The following ABCC1 variants were observed in gnomAD, a reference collection of about 807,000 sequenced individuals.
ABCC1 encodes ATP binding cassette subfamily C member 1 (ABCC1 blood group), also known as multidrug resistance-associated protein 1.
A neutral mutation model predicts 172.9 loss-of-function variants in ABCC1; 83 were observed. That is an observed-to-expected ratio of 0.48 (90% CI 0.40 to 0.58). ABCC1 has a LOEUF of 0.58. ABCC1 is among the 20% of genes least tolerant of loss of function. The pLI, the probability that ABCC1 is intolerant of heterozygous loss-of-function variation, is 0.00. For synonymous variants in ABCC1, 937 were observed against 825.2 expected (o/e 1.14, Z -2.32); for missense variants, 1,817 against 2,002.7 (o/e 0.91, Z 1.77).
chr16:16,011,086 T>C (rs561376024), intron 3 of ABCC1, among the ~76,000 whole-genome samples: 1 of 151,852 alleles, frequency 6.6e-6, no homozygotes, highest in Admixed American at 6.6e-5. Flanking sequence ...ATAAAAAAAT[T>C]AGCCGGCGTG....
In ABCC1 at chr16:15,949,816, G is replaced by T; in HGVS notation, c.48+17G>T. The T allele has an allele frequency of 1.1e-5, 13 of 1,194,496 alleles. No homozygotes were observed. Among genetic ancestry groups the T allele is most frequent in the Non-Finnish European group, 1.3e-5 (13 of 963,796 alleles). 74.0% of individuals were successfully genotyped at this position (1,194,496 alleles called of 1,614,324 possible). A position where few individuals can be genotyped will look rare whatever the true frequency, so the allele number is the denominator to read the frequency against. On this transcript the variant is annotated intron_variant, in intron 1 of 30. Transcript: ENST00000399410. ...CCGCTCTGGGTACGTGCCGGGGGCC[G>T]CGTGAGGCCGGCGGGACGGAGGGAG...
At chr16:15,982,564 A>T (rs1294321426) in intron 1 of ABCC1, among the ~76,000 whole-genome samples, 1 of 151,370 alleles carries the variant, frequency 6.6e-6, no homozygotes, top group Non-Finnish European at 1.5e-5. Flanking sequence ...GGTTTCTTCC[A>T]TGACATGTGA....
intron 11 of ABCC1, among the ~76,000 whole-genome samples, chr16:16,055,680 TC>T (rs2049619751): frequency 6.6e-6 from 1 of 152,114 alleles, no homozygotes; most frequent in Non-Finnish European, 1.5e-5. Flanking sequence ...TTGCCTCTGT[TC>T]CTGGATTCTA....
rs45564831 is a variant in ABCC1 at position 16,102,957 on chromosome 16, C to T, written c.2735+240C>T. Reference sequence around the variant, plus strand: ...GCCTCATGATTTAACCAGCTGTCCACGCTTCTGACACTCGGGCTCCCTACA... The same window carrying T: ...GCCTCATGATTTAACCAGCTGTCCATGCTTCTGACACTCGGGCTCCCTACA... On this transcript the variant is annotated intron_variant, in intron 20 of 30. Coordinates refer to ENST00000399410, the MANE Select transcript of ABCC1 (RefSeq NM_004996.4). 4.6e-5 allele frequency among the ~76,000 whole-genome samples: 7 copies of T among 152,304 alleles called. No individual in the cohort carries two copies. The East Asian group carries it at 7.7e-4, about 17-fold the overall frequency.
intron 27 of ABCC1, among the ~76,000 whole-genome samples, chr16:16,132,510 G>GGTTTTTTTT (rs1277380301): frequency 8.0e-5 from 3 of 37,300 alleles, no homozygotes; most frequent in African/African-American, 1.0e-4. Context: ...TTGGTTGGTT[G>GGTTTTTTTT]TTTTTTTTTT....
At chr16:16,111,283 C>T (rs538695160) in intron 21 of ABCC1, 92 bp from the exon 22 acceptor site, 19 of 1,012,572 alleles carry the variant, frequency 1.9e-5, no homozygotes, top group Admixed American at 1.1e-4. Context: ...AGCTGGGTGG[C>T]ACAGTGCTGG....
intron 19 of ABCC1, among the ~76,000 whole-genome samples, chr16:16,093,523 G>A (rs72777617): frequency 0.036 from 5,492 of 152,156 alleles, 130 homozygotes; most frequent in Non-Finnish European, 0.054. Context: ...CACCTCGTGC[G>A]TTCATTTTCC....
At chr16:16,082,204 G>A (rs891612517) in intron 16 of ABCC1, among the ~76,000 whole-genome samples, 3 of 152,224 alleles carry the variant, frequency 2.0e-5, no homozygotes, top group South Asian at 4.1e-4. Context: ...CCAGGCCTTC[G>A]CATGTGCTGT....
At chr16:16,090,968 C>G (rs1187468762) in intron 19 of ABCC1, among the ~76,000 whole-genome samples, 3 of 151,972 alleles carry the variant, frequency 2.0e-5, no homozygotes, top group Non-Finnish European at 2.9e-5. Flanking sequence ...TGAGGACATA[C>G]GTGACACAAG....
chr16:16,004,809 C>T (rs2047462241), intron 1 of ABCC1, among the ~76,000 whole-genome samples: 1 of 151,722 alleles, frequency 6.6e-6, no homozygotes, highest in Admixed American at 6.6e-5. Context: ...CGTGCACTAC[C>T]CTGCCCGGCT....
At chr16:16,013,597 T>C (rs1344382522) in intron 3 of ABCC1, among the ~76,000 whole-genome samples, 2 of 151,942 alleles carry the variant, frequency 1.3e-5, no homozygotes, top group Admixed American at 1.3e-4. Flanking sequence ...GTATCAAGCG[T>C]TGGAGACACA....
At position 16,052,791 on chromosome 16, in the gene ABCC1, T is replaced by C; in HGVS notation, c.1448T>C (p.Met483Thr). 1.9e-6 allele frequency: 3 copies of C among 1,614,192 alleles called. No homozygotes were observed. Among genetic ancestry groups the C allele is most frequent in the Non-Finnish European group, 2.5e-6 (3 of 1,180,022 alleles). ...CTCATGGTGCCCGTCAATGCTGTGA[T>C]GGCGATGAAGACCAAGACGTATCAG... is the stretch of plus-strand genomic sequence containing the variant. ...MVLMVPVNAV[M>T]AMKTKTYQVA... Residue 483 changes from methionine to threonine, a missense_variant, in exon 11 of 31, where the codon ATG (methionine) becomes ACG (threonine). Around this residue, in one of 3 missense-constraint regions of ABCC1, gnomAD observed 1,412 missense variants for 1,600.3 expected, o/e 0.88. Transcript: ENST00000399410.
chr16:16,091,255 C>T (rs1405793120), intron 19 of ABCC1, among the ~76,000 whole-genome samples: 1 of 151,870 alleles, frequency 6.6e-6, no homozygotes, highest in Non-Finnish European at 1.5e-5. Context: ...ATGGCGAAAC[C>T]TCATCTCTAC....
At chr16:15,982,803 C>CAAAAAAAAATAAAAA (rs2046653462) in intron 1 of ABCC1, among the ~76,000 whole-genome samples, 1 of 43,212 alleles carries the variant, frequency 2.3e-5, no homozygotes, top group Non-Finnish European at 4.3e-5. Flanking sequence ...GAGACGCTGT[C>CAAAAAAAAATAAAAA]AAAAAAAAAA....
Position 16,086,977 on chromosome 16 carries a change from A to G in ABCC1, c.2446A>G (p.Met816Val), listed in dbSNP as rs2051033803. Residue 816 changes from methionine to valine, a missense_variant, in exon 18 of 31, where the codon ATG becomes GTG. By Grantham distance (21) the Met-to-Val change is conservative (BLOSUM62 1). Coordinates refer to ENST00000399410, the MANE Select transcript of ABCC1 (RefSeq NM_004996.4). ...TGAAAATGTGATTGGCCCCAAGGGG[A>G]TGCTGAAGAACAAGGTGCCTGCTGG... ...IFENVIGPKG[M>V]LKNKTRILVT... 1.9e-6 allele frequency: 3 copies of G among 1,614,056 alleles called. No homozygotes were observed. The African/African-American group carries it at 4.0e-5, about 22-fold the overall frequency.
intron 1 of ABCC1, among the ~76,000 whole-genome samples, chr16:15,992,738 A>G (rs2046911279): frequency 6.6e-6 from 1 of 152,176 alleles, no homozygotes; most frequent in South Asian, 2.1e-4. Flanking sequence ...AGGCGATGCC[A>G]TGACCCTGCT....
chr16:16,134,531 G>T, intron 28 of ABCC1, 23 bp downstream of exon 28: 2 of 1,613,304 alleles, frequency 1.2e-6, no homozygotes, highest in Non-Finnish European at 1.7e-6. Context: ...TGTGGCCCAG[G>T]GGGTGAGCCA....
At chr16:16,071,812 C>T in intron 14 of ABCC1, 83 bp downstream of exon 14, 1 of 1,275,480 alleles carries the variant, frequency 7.8e-7, no homozygotes, top group Non-Finnish European at 1.1e-6. Context: ...ATTTCTTTCC[C>T]TTGGCTGCCC....
intron 15 of ABCC1, among the ~76,000 whole-genome samples, chr16:16,078,397 A>C (rs185788094): frequency 6.6e-6 from 1 of 152,236 alleles, no homozygotes; most frequent in Admixed American, 6.5e-5. Context: ...CTGTTCGTTA[A>C]AGGATGATTT....
Sources: gnomAD v4.1 joint callset for allele counts (sites outside exome capture counted in the v4.1 genomes callset) on GRCh38, gnomAD v4.1.1 for gene constraint, gnomAD v4.1.1 regional missense constraint, MANE v1.5 for transcripts, NCBI Gene and HGNC (gene_info 2026-07-23, HGNC 2026-07-21) for gene names.